FBN2: variants seen among roughly 807,000 people sequenced by gnomAD.
FBN2 encodes fibrillin 2.
FBN2 carries 105 observed loss-of-function variants against 355.6 expected under a neutral mutation model. That is an observed-to-expected ratio of 0.30 (90% CI 0.25 to 0.35). The LOEUF (loss-of-function observed/expected upper bound fraction) is 0.35, where lower values mean the gene tolerates loss of function less well. FBN2 is among the 10% of genes least tolerant of loss of function. FBN2 has a pLI of 1.00. For synonymous variants in FBN2, 1,350 were observed against 1,301.2 expected, an observed-to-expected ratio of 1.04 and a Z score of -0.81; for missense variants, 3,280 against 3,758.7, an observed-to-expected ratio of 0.87 and a Z score of 3.33.
Position 128,312,718 on chromosome 5 carries a change from C to G in FBN2, c.4795G>C (p.Val1599Leu). 1 of 1,614,066 alleles carries G rather than the reference C, an allele frequency of 6.2e-7. No individual in the cohort carries two copies. The highest frequency in any genetic ancestry group is 8.5e-7 in the Non-Finnish European group (1 of 1,180,004). The change falls in exon 37 of 65, where the codon GTG (valine) becomes CTG (leucine). Residue 1599 changes from valine (V) to leucine (L), a missense_variant. This residue lies in a region of FBN2 where 2,284 missense variants were observed against 2,749.5 expected (regional missense o/e 0.83). Transcript: ENST00000262464. ...CAGCATGAAGAGCGACTGACGCCCACCCCGATCTCGGTGTTGCAAGACAGA... is the reference window on the plus strand; with the variant it reads ...CAGCATGAAGAGCGACTGACGCCCAGCCCGATCTCGGTGTTGCAAGACAGA... ...GSLSCNTEIG[V>L]GVSRSSCCCS...
At chr5:128,454,479 C>A (rs1754333122) in intron 6 of FBN2, among the ~76,000 whole-genome samples, 1 of 152,156 alleles carries the variant, frequency 6.6e-6, no homozygotes, top group Non-Finnish European at 1.5e-5. Flanking sequence ...CTGTAACTAT[C>A]TTTAATAATT....
At position 128,400,268 on chromosome 5, in the gene FBN2, G is replaced by GA. The variant is rs932955318; in HGVS notation, c.1079-4995dup. Among the ~76,000 whole-genome samples the GA allele has an allele frequency of 1.2e-4, 18 of 148,686 alleles. No homozygotes were observed. In the East Asian group the frequency reaches 1.8e-3, roughly 15 times the overall value. Reference sequence around the variant, plus strand: ...TATTTAGAAATAGACCACAAATAAAGAAAAAAAAATAGAGTCAATACATAA... The same window carrying GA: ...TATTTAGAAATAGACCACAAATAAAGAAAAAAAAAATAGAGTCAATACATAA... On this transcript the variant is annotated intron_variant, in intron 8 of 64. Transcript: ENST00000262464.
intron 34 of FBN2, 73 bp from the exon 35 acceptor site, chr5:128,319,074 A>T (rs1750293573): frequency 1.0e-5 from 13 of 1,267,928 alleles, no homozygotes; most frequent in Non-Finnish European, 1.5e-5. Flanking sequence ...GTCTAACATT[A>T]GCGCATTTTT....
intron 5 of FBN2, among the ~76,000 whole-genome samples, chr5:128,497,203 C>A (rs1755677864): frequency 6.6e-6 from 1 of 152,042 alleles, no homozygotes; most frequent in African/African-American, 2.4e-5. Context: ...TGAAGGGCAG[C>A]CTGATGACAT....
intron 18 of FBN2, among the ~76,000 whole-genome samples, chr5:128,364,379 C>T (rs530056996): frequency 4.6e-5 from 7 of 151,616 alleles, no homozygotes; most frequent in Admixed American, 1.3e-4. Flanking sequence ...ATGTTAATTC[C>T]GGAAAATAAT....
intron 7 of FBN2, among the ~76,000 whole-genome samples, chr5:128,416,397 T>C (rs1753199875): frequency 6.6e-6 from 1 of 152,216 alleles, no homozygotes; most frequent in Non-Finnish European, 1.5e-5. Context: ...CCTTCGCTGT[T>C]CAGAAGCTTT....
intron 48 of FBN2, among the ~76,000 whole-genome samples, chr5:128,295,448 T>C (rs913064642): frequency 6.6e-6 from 1 of 151,058 alleles, no homozygotes; most frequent in South Asian, 2.1e-4. Context: ...TTTCACAATA[T>C]TGATTCTTCC....
rs752575354 is a variant in FBN2, at chr5:128,263,419, C to T, written c.8192+6G>A. On this transcript the variant is annotated splice_donor_region_variant and intron_variant, in intron 63 of 64. Transcript: ENST00000262464. ...CTCTATGTGCTGAGGCTGAAGGCCGCCTTACCCTTGTCCCACTCTGTAATA... is the reference window on the plus strand; with the variant it reads ...CTCTATGTGCTGAGGCTGAAGGCCGTCTTACCCTTGTCCCACTCTGTAATA... 5.6e-6 allele frequency: 9 copies of T among 1,607,212 alleles called. No homozygotes were observed. The highest frequency in any genetic ancestry group is 6.8e-6 in the Non-Finnish European group (8 of 1,173,866).
chr5:128,305,359 A>G, intron 44 of FBN2, 152 bp downstream of exon 44: 1 of 937,920 alleles, frequency 1.1e-6, no homozygotes, highest in Non-Finnish European at 1.7e-6. Context: ...TTTCTTAACA[A>G]AATCATCTAA....
chr5:128,284,748 C>A (rs912487353), intron 55 of FBN2, among the ~76,000 whole-genome samples: 1 of 152,194 alleles, frequency 6.6e-6, no homozygotes, highest in Non-Finnish European at 1.5e-5. Flanking sequence ...TGCTGCTTCT[C>A]CTCTTCCTGC....
chr5:128,281,681 A>ATTAT (rs1198550259), intron 55 of FBN2, among the ~76,000 whole-genome samples: 16 of 151,810 alleles, frequency 1.1e-4, no homozygotes, highest in East Asian at 1.9e-4. Flanking sequence ...TAGTTTGGTG[A>ATTAT]TTATTTATTT....
intron 42 of FBN2, among the ~76,000 whole-genome samples, chr5:128,306,886 G>A (rs531965675): frequency 6.6e-6 from 1 of 152,268 alleles, no homozygotes; most frequent in African/African-American, 2.4e-5. Flanking sequence ...CTTTAGCTTG[G>A]TGGATGTGAC....
chr5:128,505,096 T>C (rs998933514), intron 5 of FBN2, among the ~76,000 whole-genome samples: 3 of 152,208 alleles, frequency 2.0e-5, no homozygotes, highest in Non-Finnish European at 4.4e-5. Context: ...TCATTTGCCT[T>C]CTGCCGTGAT....
chr5:128,322,490 G>C (rs1007193420), intron 34 of FBN2, among the ~76,000 whole-genome samples: 2 of 152,118 alleles, frequency 1.3e-5, no homozygotes, highest in African/African-American at 2.4e-5. Context: ...TGCAGTTTCA[G>C]TTTTCTGCAT....
chr5:128,272,143 C>T (rs756522795), intron 61 of FBN2, 25 bp from the exon 62 acceptor site: 6 of 1,613,520 alleles, frequency 3.7e-6, no homozygotes, highest in Admixed American at 3.3e-5. Context: ...CCGGCAAAAC[C>T]TTTATGTCAC....
chr5:128,420,274 A>G (rs1369177028), intron 7 of FBN2, among the ~76,000 whole-genome samples: 1 of 152,094 alleles, frequency 6.6e-6, no homozygotes, highest in Non-Finnish European at 1.5e-5. Context: ...ATTGGAAGAG[A>G]TCTTACTTAT....
At chr5:128,311,525 T>C in intron 38 of FBN2, 100 bp from the exon 39 acceptor site, 1 of 1,290,300 alleles carries the variant, frequency 7.8e-7, no homozygotes, top group Admixed American at 1.8e-5. Flanking sequence ...GAATCAGATT[T>C]CTATGCATCC....
chr5:128,358,467 AAAC>A (rs1751559042), intron 19 of FBN2, among the ~76,000 whole-genome samples: 1 of 152,132 alleles, frequency 6.6e-6, no homozygotes, highest in South Asian at 2.1e-4. Context: ...GAAAGCACAT[AAAC>A]AAATAACTAG....
intron 49 of FBN2, 52 bp from the exon 50 acceptor site, chr5:128,290,936 G>C: frequency 6.5e-7 from 1 of 1,542,332 alleles, no homozygotes; most frequent in Non-Finnish European, 9.0e-7. Flanking sequence ...ACACTGTTTG[G>C]ACAGAACATT....
Sources: gnomAD v4.1 joint callset for allele counts (sites outside exome capture counted in the v4.1 genomes callset) on GRCh38, gnomAD v4.1.1 for gene constraint, gnomAD v4.1.1 regional missense constraint, MANE v1.5 for transcripts, NCBI Gene and HGNC (gene_info 2026-07-23, HGNC 2026-07-21) for gene names.